RCAN1: variants seen among roughly 807,000 people sequenced by gnomAD.
The protein encoded by RCAN1 is calcipressin-1.
Under a neutral mutation model 22.9 loss-of-function variants are expected in RCAN1, and 11 were observed. That is an observed-to-expected ratio of 0.48 (90% CI 0.30 to 0.79). RCAN1 has a LOEUF of 0.79. Ranked by LOEUF, RCAN1 falls within the 30% of genes least tolerant of loss-of-function variation. RCAN1 has a pLI of 0.06. For synonymous variants in RCAN1, 136 were observed against 142.3 expected, an observed-to-expected ratio of 0.96 and a Z score of 0.32; for missense variants, 291 against 337.8, an observed-to-expected ratio of 0.86 and a Z score of 1.09.
intron 1 of RCAN1, among the ~76,000 whole-genome samples, chr21:34,593,275 G>A (rs1195330746): frequency 6.6e-6 from 1 of 152,198 alleles, no homozygotes; most frequent in African/African-American, 2.4e-5. Context: ...GCAATTTCAT[G>A]TGTTTCAACA....
intron 3 of RCAN1, chr21:34,521,231 AATG>A: frequency 7.0e-7 from 1 of 1,426,222 alleles, no homozygotes. Flanking sequence ...TGGACACAGG[AATG>A]GATTCCTGGG....
At chr21:34,607,730 C>A (rs8129729) in intron 1 of RCAN1, among the ~76,000 whole-genome samples, 8,460 of 152,210 alleles carry the variant, frequency 0.056, 562 homozygotes, top group African/African-American at 0.15. Flanking sequence ...AAAAAAGTTT[C>A]CAAATTAAAA....
intron 1 of RCAN1, among the ~76,000 whole-genome samples, chr21:34,597,707 A>G (rs1373830422): frequency 6.6e-6 from 1 of 152,240 alleles, no homozygotes; most frequent in Non-Finnish European, 1.5e-5. Context: ...TATAATGTTG[A>G]AATACAATTT....
chr21:34,528,512 C>T (rs4816491), intron 1 of RCAN1, among the ~76,000 whole-genome samples: 1,657 of 152,324 alleles, frequency 0.011, 54 homozygotes, highest in East Asian at 0.1. Context: ...GATGATGCTT[C>T]GAGAGGGAAT....
chr21:34,609,194 A>G (rs1039795131), intron 1 of RCAN1, among the ~76,000 whole-genome samples: 3 of 152,132 alleles, frequency 2.0e-5, no homozygotes, highest in Non-Finnish European at 4.4e-5. Context: ...TTTACTTTCT[A>G]CTGCCATGGT....
At chr21:34,578,947 T>C (rs1987509043) in intron 1 of RCAN1, among the ~76,000 whole-genome samples, 1 of 152,088 alleles carries the variant, frequency 6.6e-6, no homozygotes, top group East Asian at 1.9e-4. Flanking sequence ...TTTGGGCCCC[T>C]GGTTCCTCAC....
chr21:34,527,481 T>C (rs1463734317), intron 1 of RCAN1, among the ~76,000 whole-genome samples: 1 of 152,248 alleles, frequency 6.6e-6, no homozygotes, highest in African/African-American at 2.4e-5. Context: ...CAATTTCTAC[T>C]TGTATCCCAC....
At chr21:34,580,807 C>G (rs1425429467) in intron 1 of RCAN1, among the ~76,000 whole-genome samples, 2 of 152,300 alleles carry the variant, frequency 1.3e-5, no homozygotes, top group East Asian at 3.9e-4. Flanking sequence ...AGAAGGGACC[C>G]AAATCCAGGA....
At chr21:34,559,993 C>T (rs184993795) in intron 1 of RCAN1, 15 of 152,274 alleles carry the variant, frequency 9.9e-5, no homozygotes, top group Admixed American at 2.6e-4. Flanking sequence ...CATTACTTAA[C>T]GAGAGCAATG....
chr21:34,613,958 G>T (rs1291958839), intron 1 of RCAN1: 19 of 915,306 alleles, frequency 2.1e-5, no homozygotes, highest in Non-Finnish European at 1.2e-5. Flanking sequence ...CGCCCACGTT[G>T]TCCACATTTT....
intron 1 of RCAN1, chr21:34,613,780 CACTT>C: frequency 6.7e-7 from 1 of 1,492,830 alleles, no homozygotes; most frequent in South Asian, 1.3e-5. Context: ...AAATAAATGA[CACTT>C]ACATACACCA....
chr21:34,525,485 G>A (rs1984983620), intron 1 of RCAN1: 14 of 1,143,246 alleles, frequency 1.2e-5, no homozygotes, highest in Admixed American at 3.1e-5. Context: ...GTGTGTCTTC[G>A]TACATTTGGA....
intron 1 of RCAN1, among the ~76,000 whole-genome samples, chr21:34,595,051 G>GT (rs1988101292): frequency 6.6e-6 from 1 of 152,362 alleles, no homozygotes; most frequent in African/African-American, 2.4e-5. Context: ...GACAGTCATA[G>GT]TATCTGCTTC....
chr21:34,516,823 T>C lies in RCAN1; in HGVS notation c.*1261A>G, dbSNP rs982005147. On this transcript the variant is annotated 3_prime_UTR_variant, in exon 4 of 4. Transcript: ENST00000313806. ...ACGGTATTGTAAGGCCAAAATATAA[T>C]ACCTATTTACCAGACATACACATTA... 14 of 152,502 alleles carry C rather than the reference T, an allele frequency of 9.2e-5. No homozygotes were observed. Among genetic ancestry groups the C allele is most frequent in the African/African-American group, 2.9e-4 (12 of 41,448 alleles). The allele number at this position is 152,502 out of a possible 1,614,324, so 9.4% of individuals were successfully genotyped here.
chr21:34,526,651 T>C lies in RCAN1; in HGVS notation c.253-2941A>G, dbSNP rs537018835. 3.1e-5 allele frequency: 50 copies of C among 1,610,366 alleles called. No homozygotes were observed. The South Asian group carries it at 5.0e-4, about 16-fold the overall frequency. On this transcript the variant is annotated intron_variant, in intron 1 of 3. Transcript: ENST00000313806. ...AAAACTAAAGAAAATCACGTTATAT[T>C]AGAAGCCTTACCCTGGTTTCACTTT...
At chr21:34,565,126 A>C (rs73352049) in intron 1 of RCAN1, among the ~76,000 whole-genome samples, 1,661 of 152,312 alleles carry the variant, frequency 0.011, 35 homozygotes, top group African/African-American at 0.038. Context: ...GAGCCCAGGA[A>C]GTCAAAGTCA....
intron 1 of RCAN1, among the ~76,000 whole-genome samples, chr21:34,590,843 ATTAAGT>A (rs1175599709): frequency 6.6e-6 from 1 of 152,222 alleles, no homozygotes; most frequent in Non-Finnish European, 1.5e-5. Flanking sequence ...TAGTTGAAAT[ATTAAGT>A]TTATCTACAG....
chr21:34,595,265 TTCATCATAGCCTCTTCCCATCTGGGGG>T (rs1414576644), intron 1 of RCAN1, among the ~76,000 whole-genome samples: 1 of 152,120 alleles, frequency 6.6e-6, no homozygotes, highest in African/African-American at 2.4e-5. Flanking sequence ...GTGGGAGAAA[TTCATCATAGCCTCTTCCCATCTGGGGG>T]TGTGCTGAGA....
intron 1 of RCAN1, among the ~76,000 whole-genome samples, chr21:34,558,754 C>A (rs2123660149): frequency 6.6e-6 from 1 of 152,328 alleles, no homozygotes; most frequent in South Asian, 2.1e-4. Context: ...TCTCGCTTTT[C>A]CAGTAACAAA....
Sources: gnomAD v4.1 joint callset for allele counts (sites outside exome capture counted in the v4.1 genomes callset) on GRCh38, gnomAD v4.1.1 for gene constraint, MANE v1.5 for transcripts, NCBI Gene and HGNC (gene_info 2026-07-23, HGNC 2026-07-21) for gene names.